Variants in LRRIQ1 observed in about 807,000 individuals in gnomAD.
LRRIQ1 encodes the protein leucine rich repeats and IQ motif containing 1, also known as leucine-rich repeat- and IQ domain-containing protein 1.
Under a neutral mutation model 211.9 loss-of-function variants are expected in LRRIQ1, and 210 were observed. The ratio of observed to expected loss-of-function variants is 0.99; its 90% confidence interval spans 0.89 to 1.11. The LOEUF (loss-of-function observed/expected upper bound fraction) is 1.11, where lower values mean the gene tolerates loss of function less well. Ranked by LOEUF, LRRIQ1 falls within the 50% of genes most tolerant of loss-of-function variation. The probability of loss-of-function intolerance (pLI) is 0.00; values close to 1 mark genes in which losing one functional copy is unlikely to be tolerated. For synonymous variants in LRRIQ1, 699 were observed against 650.1 expected (o/e 1.08, Z -1.14); for missense variants, 2,136 against 1,939.5 (o/e 1.10, Z -1.90).
intron 24 of LRRIQ1, among the ~76,000 whole-genome samples, chr12:85,194,891 T>C (rs1565896189): frequency 6.6e-6 from 1 of 152,014 alleles, no homozygotes; most frequent in African/African-American, 2.4e-5. Flanking sequence ...GGAGCTGGTT[T>C]TTTGAAAGGA....
chr12:85,233,630 T>C (rs1438117351), intron 26 of LRRIQ1, among the ~76,000 whole-genome samples: 2 of 152,190 alleles, frequency 1.3e-5, no homozygotes, highest in South Asian at 2.1e-4. Context: ...GAACAACTCA[T>C]GCAAGGAGTT....
intron 11 of LRRIQ1, among the ~76,000 whole-genome samples, chr12:85,093,469 T>C (rs1446004783): frequency 6.6e-6 from 1 of 152,200 alleles, no homozygotes; most frequent in African/African-American, 2.4e-5. Context: ...CGTGAGAAGA[T>C]GGATGCAGAG....
chr12:85,044,133 A>G (rs970173442), intron 3 of LRRIQ1, among the ~76,000 whole-genome samples: 2 of 152,068 alleles, frequency 1.3e-5, no homozygotes, highest in African/African-American at 4.8e-5. Flanking sequence ...TAGCCAGCAG[A>G]ATGGTCCTCT....
intron 24 of LRRIQ1, among the ~76,000 whole-genome samples, chr12:85,217,492 GTATATATATATATATA>G (rs1214919315): frequency 8.7e-4 from 65 of 74,946 alleles, no homozygotes; most frequent in Non-Finnish European, 1.4e-3. Context: ...ATATATATAT[GTATATATATATATATA>G]TGTGTGTGTG....
At chr12:85,037,674 G>C (rs940794094) in intron 1 of LRRIQ1, among the ~76,000 whole-genome samples, 8 of 151,982 alleles carry the variant, frequency 5.3e-5, no homozygotes, top group African/African-American at 1.9e-4. Flanking sequence ...AGGTGGAAAG[G>C]TCAGGCCCTT....
intron 13 of LRRIQ1, among the ~76,000 whole-genome samples, chr12:85,100,378 A>G (rs1020504504): frequency 1.3e-5 from 2 of 151,656 alleles, no homozygotes; most frequent in Non-Finnish European, 3.0e-5. Flanking sequence ...TGGGAATTAT[A>G]TAAACTAGAG....
chr12:85,107,237 A>G (rs1592808920), intron 15 of LRRIQ1, among the ~76,000 whole-genome samples: 1 of 152,134 alleles, frequency 6.6e-6, no homozygotes, highest in South Asian at 2.1e-4. Context: ...CTATTTTGTG[A>G]TAACTTACAT....
intron 15 of LRRIQ1, among the ~76,000 whole-genome samples, chr12:85,111,203 G>A (rs1416576919): frequency 6.6e-6 from 1 of 152,068 alleles, no homozygotes; most frequent in Admixed American, 6.6e-5. Flanking sequence ...ACTGTACTTG[G>A]CTTTTGTAAG....
intron 11 of LRRIQ1, among the ~76,000 whole-genome samples, chr12:85,075,801 T>C (rs1883583662): frequency 6.6e-6 from 1 of 151,730 alleles, no homozygotes; most frequent in Non-Finnish European, 1.5e-5. Flanking sequence ...TGCAGTGAAC[T>C]GTGATCATGC....
chr12:85,214,793 T>C (rs1320819107), intron 24 of LRRIQ1, among the ~76,000 whole-genome samples: 1 of 152,120 alleles, frequency 6.6e-6, no homozygotes, highest in African/African-American at 2.4e-5. Context: ...AACTTAGATA[T>C]GCAATTATTT....
intron 26 of LRRIQ1, among the ~76,000 whole-genome samples, chr12:85,237,252 C>A (rs1895231559): frequency 6.6e-6 from 1 of 151,936 alleles, no homozygotes; most frequent in Admixed American, 6.6e-5. Context: ...ACTATGATCC[C>A]TGAGATAAAA....
At chr12:85,234,077 T>C (rs1264909620) in intron 26 of LRRIQ1, among the ~76,000 whole-genome samples, 6 of 142,974 alleles carry the variant, frequency 4.2e-5, no homozygotes, top group African/African-American at 1.8e-4. Context: ...CCCCCAAAAA[T>C]ACAAAAAAAA....
chr12:85,197,292 T>G (rs1442724856), intron 24 of LRRIQ1, among the ~76,000 whole-genome samples: 1 of 151,492 alleles, frequency 6.6e-6, no homozygotes, highest in Admixed American at 6.6e-5. Flanking sequence ...GATCTAGAAC[T>G]GGAAATACCA....
chr12:85,132,081 G>A (rs1888803307), intron 18 of LRRIQ1, among the ~76,000 whole-genome samples: 1 of 152,026 alleles, frequency 6.6e-6, no homozygotes, highest in Admixed American at 6.6e-5. Flanking sequence ...CTGGAGCTTT[G>A]CAGAAGCCCA....
chr12:85,105,232 T>A (rs1262366580), intron 14 of LRRIQ1, among the ~76,000 whole-genome samples: 1 of 152,116 alleles, frequency 6.6e-6, no homozygotes, highest in Non-Finnish European at 1.5e-5. Flanking sequence ...TTTTTCGTTA[T>A]TTTTGTGTGT....
chr12:85,124,591 G>C, intron 17 of LRRIQ1, 72 bp downstream of exon 17: 1 of 1,150,804 alleles, frequency 8.7e-7, no homozygotes, highest in Non-Finnish European at 1.2e-6. Context: ...TTAGTCAATG[G>C]TACCTAGTAA....
At chr12:85,138,981 A>C (rs1414903957) in intron 19 of LRRIQ1, among the ~76,000 whole-genome samples, 1 of 151,186 alleles carries the variant, frequency 6.6e-6, no homozygotes, top group Non-Finnish European at 1.5e-5. Flanking sequence ...GCTCATGAGG[A>C]GTGAACAAGG....
At chr12:85,187,036 G>A (rs1400879229) in intron 24 of LRRIQ1, among the ~76,000 whole-genome samples, 4 of 152,008 alleles carry the variant, frequency 2.6e-5, no homozygotes, top group African/African-American at 9.7e-5. Context: ...GAAAATTAAT[G>A]TACTGTAAAG....
intron 3 of LRRIQ1, among the ~76,000 whole-genome samples, chr12:85,042,511 T>G (rs1337493647): frequency 6.7e-6 from 1 of 148,732 alleles, no homozygotes; most frequent in African/African-American, 2.4e-5. Flanking sequence ...ATTCATTAAA[T>G]TATACTAATA....
Sources: gnomAD v4.1 joint callset for allele counts (sites outside exome capture counted in the v4.1 genomes callset) on GRCh38, gnomAD v4.1.1 for gene constraint, MANE v1.5 for transcripts, NCBI Gene and HGNC (gene_info 2026-07-23, HGNC 2026-07-21) for gene names.